VWA3B: variants seen among roughly 807,000 people sequenced by gnomAD.
VWA3B encodes von Willebrand factor A domain containing 3B, also known as von Willebrand factor A domain-containing protein 3B.
Under a neutral mutation model 158.3 loss-of-function variants are expected in VWA3B, and 138 were observed. The observed-to-expected ratio is 0.87, with a 90% CI of 0.76 to 1.00. The LOEUF is 1.00. Ranked by LOEUF, VWA3B falls within the 50% of genes least tolerant of loss-of-function variation. The probability of loss-of-function intolerance (pLI) is 0.00; values close to 1 mark genes in which losing one functional copy is unlikely to be tolerated. For missense variants in VWA3B, 1,555 were observed against 1,565.1 expected (o/e 0.99, Z 0.11); for synonymous variants, 596 against 587.3 (o/e 1.01, Z -0.21).
intron 10 of VWA3B, among the ~76,000 whole-genome samples, chr2:98,191,548 T>C (rs1236447329): frequency 1.3e-5 from 2 of 152,242 alleles, no homozygotes; most frequent in Non-Finnish European, 2.9e-5. Context: ...GGGTCGCCTT[T>C]AGCCCAGGGC....
At chr2:98,293,437 C>T (rs1031773343) in intron 23 of VWA3B, among the ~76,000 whole-genome samples, 34 of 152,168 alleles carry the variant, frequency 2.2e-4, no homozygotes, top group African/African-American at 7.7e-4. Flanking sequence ...TTTTTGTGCC[C>T]TCTCTTCCCA....
intron 10 of VWA3B, among the ~76,000 whole-genome samples, chr2:98,191,684 G>A (rs1296704385): frequency 6.6e-6 from 1 of 152,152 alleles, no homozygotes. Context: ...GCCCTGAGGG[G>A]TTGATCAGCC....
Position 98,283,777 on chromosome 2 carries a change from G to A in VWA3B, c.3046-6734G>A, listed in dbSNP as rs187041362. ...AAATAGGGAACTAGGAAGTGGTAGA[G>A]ATTATTTAGTTTGTTGCCTTACTTT... On this transcript the variant is annotated intron_variant, in intron 22 of 27. Coordinates refer to ENST00000477737, the MANE Select transcript of VWA3B (RefSeq NM_144992.5). 1.7e-3 allele frequency among the ~76,000 whole-genome samples: 257 copies of A among 152,344 alleles called. 1 individual carries two copies. The highest frequency in any genetic ancestry group is 3.1e-3 in the Non-Finnish European group (210 of 68,028).
At chr2:98,113,712 C>G (rs1674318734) in intron 2 of VWA3B, among the ~76,000 whole-genome samples, 1 of 152,182 alleles carries the variant, frequency 6.6e-6, no homozygotes, top group South Asian at 2.1e-4. Context: ...CCTAAACTTT[C>G]TCTATAGATT....
intron 12 of VWA3B, among the ~76,000 whole-genome samples, chr2:98,209,595 T>C (rs541307476): frequency 1.3e-5 from 2 of 152,288 alleles, no homozygotes; most frequent in South Asian, 4.1e-4. Flanking sequence ...TTGGGGTTTT[T>C]TTCAGTCATT....
chr2:98,135,335 T>C (rs1041042082), intron 7 of VWA3B, among the ~76,000 whole-genome samples: 35 of 122,522 alleles, frequency 2.9e-4, no homozygotes, highest in East Asian at 4.5e-4. Context: ...CTTTTTTTTT[T>C]TTTTTTTTTT....
In VWA3B at chr2:98,185,635, C is replaced by A. The variant is rs113391974; in HGVS notation, c.1312-2340C>A. Among the ~76,000 whole-genome samples, 349 of 152,284 alleles carry A rather than the reference C, an allele frequency of 2.3e-3. 1 individual carries two copies. Among genetic ancestry groups the A allele is most frequent in the African/African-American group, 7.9e-3 (330 of 41,556 alleles). ...AGCTTGCTTCCTGTGTTGTGAACATCGACGGGAATGTCATGAGCTTCTGCC... is the reference window on the plus strand; with the variant it reads ...AGCTTGCTTCCTGTGTTGTGAACATAGACGGGAATGTCATGAGCTTCTGCC... On this transcript the variant is annotated intron_variant, in intron 9 of 27. Transcript: ENST00000477737.
chr2:98,139,762 C>A (rs912256720), intron 7 of VWA3B, among the ~76,000 whole-genome samples: 1 of 152,116 alleles, frequency 6.6e-6, no homozygotes, highest in Admixed American at 6.5e-5. Context: ...ACAGACCACT[C>A]GGCTCTACCA....
rs561103083 is a variant in VWA3B at position 98,281,163 on chromosome 2, A to C, written c.3046-9348A>C. Among the ~76,000 whole-genome samples the C allele has an allele frequency of 2.0e-5, 3 of 152,256 alleles. No individual in the cohort carries two copies. The East Asian group carries it at 5.8e-4, about 29-fold the overall frequency. On this transcript the variant is annotated intron_variant, in intron 22 of 27. Coordinates refer to ENST00000477737, the MANE Select transcript of VWA3B (RefSeq NM_144992.5). ...TTTCAAAGGGATGCAGAGTCTGGAT[A>C]CTTTCTGGGTGGATGAAATCCCTCT...
intron 9 of VWA3B, among the ~76,000 whole-genome samples, chr2:98,186,272 G>A (rs146117156): frequency 6.4e-4 from 96 of 148,930 alleles, no homozygotes; most frequent in African/African-American, 2.3e-3. Flanking sequence ...TGTCAATGCC[G>A]AAGCACCTCG....
In VWA3B at chr2:98,312,238, A is replaced by G. The variant is rs748209819; in HGVS notation, c.3774A>G (p.Gly1258=). The part of the protein sequence containing the change: ...HLHFPAAGRL[G]LSSHAIIATP... ...ACTTCCCCGCGGCCGGGCGTCTAGG[A>G]CTCAGCAGCCACGCCATCATTGCCA... Residue 1258 remains glycine (G), a synonymous_variant, in exon 28 of 28, where the codon GGA becomes GGG. Transcript: ENST00000477737. The G allele has an allele frequency of 1.7e-5, 27 of 1,614,094 alleles. No individual in the cohort carries two copies. The East Asian group carries it at 5.6e-4, about 33-fold the overall frequency.
At chr2:98,290,960 G>C (rs1286376504) in intron 23 of VWA3B, 2 of 211,584 alleles carry the variant, frequency 9.5e-6, no homozygotes, top group Admixed American at 6.1e-5. Flanking sequence ...CTTGCTTTTT[G>C]GAGATTACAT....
intron 21 of VWA3B, among the ~76,000 whole-genome samples, chr2:98,256,665 C>A (rs151140270): frequency 1.5e-3 from 226 of 152,258 alleles, no homozygotes; most frequent in South Asian, 3.9e-3. Flanking sequence ...GTAGAAGTTT[C>A]TTTGTGGACA....
At chr2:98,135,227 A>G (rs1254749581) in intron 7 of VWA3B, among the ~76,000 whole-genome samples, 1 of 151,504 alleles carries the variant, frequency 6.6e-6, no homozygotes, top group African/African-American at 2.4e-5. Flanking sequence ...TTGGCAACTT[A>G]GTTATAAAGG....
At chr2:98,113,345 G>T (rs1266110732) in intron 2 of VWA3B, among the ~76,000 whole-genome samples, 1 of 151,968 alleles carries the variant, frequency 6.6e-6, no homozygotes, top group Non-Finnish European at 1.5e-5. Context: ...TCCTGCAGTT[G>T]TCTCTTCAGA....
the VWA3B span, among the ~76,000 whole-genome samples, chr2:98,321,368 G>T: frequency 1.3e-5 from 2 of 152,296 alleles, no homozygotes; most frequent in African/African-American, 2.4e-5. Flanking sequence ...TGAGAAGAGG[G>T]CCACTGTTCT....
intron 22 of VWA3B, among the ~76,000 whole-genome samples, chr2:98,279,677 C>T (rs143750542): frequency 1.3e-5 from 2 of 152,302 alleles, no homozygotes; most frequent in East Asian, 3.9e-4. Context: ...CATCCCCAGA[C>T]TTAAAGGGGC....
At chr2:98,264,376 G>A (rs1687664426) in intron 21 of VWA3B, among the ~76,000 whole-genome samples, 1 of 151,850 alleles carries the variant, frequency 6.6e-6, no homozygotes, top group Non-Finnish European at 1.5e-5. Flanking sequence ...TTCCTTCTCA[G>A]TACTGCTTTC....
At chr2:98,101,476 C>T (rs557777024) in intron 2 of VWA3B, among the ~76,000 whole-genome samples, 1 of 152,318 alleles carries the variant, frequency 6.6e-6, no homozygotes, top group South Asian at 2.1e-4. Flanking sequence ...ACTACTAGGA[C>T]TTTACTCAGT....
Sources: gnomAD v4.1 joint callset for allele counts (sites outside exome capture counted in the v4.1 genomes callset) on GRCh38, gnomAD v4.1.1 for gene constraint, MANE v1.5 for transcripts, NCBI Gene and HGNC (gene_info 2026-07-23, HGNC 2026-07-21) for gene names.